The following CSMD1 variants were observed in gnomAD, a reference collection of about 807,000 sequenced individuals.
The protein encoded by CSMD1 is CUB and sushi domain-containing protein 1.
CSMD1 carries 213 observed loss-of-function variants against 417.5 expected under a neutral mutation model. The observed-to-expected ratio is 0.51, with a 90% CI of 0.46 to 0.57. CSMD1 has a LOEUF of 0.57. CSMD1 is among the 20% of genes least tolerant of loss of function. The probability of loss-of-function intolerance (pLI) is 0.00; values close to 1 mark genes in which losing one functional copy is unlikely to be tolerated. For missense variants in CSMD1, 6,923 were observed against 4,529.7 expected, an observed-to-expected ratio of 1.53 and a Z score of -15.17; for synonymous variants, 2,862 against 1,736.8, an observed-to-expected ratio of 1.65 and a Z score of -16.11.
chr8:3,600,648 TGATAAGAG>T (rs1801318608), intron 8 of CSMD1, among the ~76,000 whole-genome samples: 2 of 152,118 alleles, frequency 1.3e-5, no homozygotes. Flanking sequence ...TGACCCCAGA[TGATAAGAG>T]ACAGAAAACC....
At chr8:4,108,083 G>A (rs927912027) in intron 3 of CSMD1, among the ~76,000 whole-genome samples, 12 of 95,468 alleles carry the variant, frequency 1.3e-4, no homozygotes, top group African/African-American at 4.2e-4. Context: ...CAGAGAGAGA[G>A]ACAGAGAGAG....
chr8:4,902,686 G>T (rs1186241235), intron 1 of CSMD1, among the ~76,000 whole-genome samples: 3 of 151,978 alleles, frequency 2.0e-5, no homozygotes, highest in African/African-American at 7.2e-5. Context: ...TTGAATAGGT[G>T]ATATACGCAC....
At chr8:3,643,532 C>A (rs1007866458) in intron 7 of CSMD1, among the ~76,000 whole-genome samples, 2 of 151,830 alleles carry the variant, frequency 1.3e-5, no homozygotes. Flanking sequence ...GAAATCCAGT[C>A]TCTACTAAAA....
chr8:3,946,101 G>A (rs17068126), intron 5 of CSMD1, among the ~76,000 whole-genome samples: 20,361 of 151,944 alleles, frequency 0.13, 1,856 homozygotes, highest in African/African-American at 0.25. Context: ...GGACTTTATC[G>A]CTTGCACCTT....
chr8:4,323,035 G>C (rs781108862), intron 3 of CSMD1, among the ~76,000 whole-genome samples: 7 of 152,180 alleles, frequency 4.6e-5, no homozygotes, highest in East Asian at 1.9e-4. Flanking sequence ...AGGAATCTGA[G>C]AATAGAAAGA....
chr8:3,431,181 A>T (rs1189637433), intron 12 of CSMD1, among the ~76,000 whole-genome samples: 1 of 152,166 alleles, frequency 6.6e-6, no homozygotes, highest in African/African-American at 2.4e-5. Context: ...AAGAGGGATG[A>T]TGGAGATTAG....
intron 1 of CSMD1, among the ~76,000 whole-genome samples, chr8:4,803,190 C>T (rs1798400307): frequency 6.6e-6 from 1 of 152,074 alleles, no homozygotes; most frequent in African/African-American, 2.4e-5. Flanking sequence ...TAAGTTGATC[C>T]TGGCCACTTT....
At chr8:4,833,401 A>G (rs1040573115) in intron 1 of CSMD1, among the ~76,000 whole-genome samples, 7 of 152,194 alleles carry the variant, frequency 4.6e-5, no homozygotes, top group Admixed American at 6.5e-5. Context: ...ACTCACTGTC[A>G]TGAGAACAGC....
At chr8:4,185,535 G>C (rs1798617949) in intron 3 of CSMD1, among the ~76,000 whole-genome samples, 1 of 152,116 alleles carries the variant, frequency 6.6e-6, no homozygotes, top group Middle Eastern at 3.4e-3. Flanking sequence ...GGCATAAAGA[G>C]AAACATGCGC....
chr8:3,236,541 G>C (rs117437699), intron 26 of CSMD1, among the ~76,000 whole-genome samples: 5 of 152,242 alleles, frequency 3.3e-5, no homozygotes, highest in Non-Finnish European at 7.4e-5. Context: ...ATGATGCAAA[G>C]ATGTTTTCTG....
intron 2 of CSMD1, among the ~76,000 whole-genome samples, chr8:4,523,702 G>T (rs1803615655): frequency 6.6e-6 from 1 of 152,106 alleles, no homozygotes; most frequent in African/African-American, 2.4e-5. Context: ...ATGATCTGCT[G>T]ACACCTCCTG....
intron 3 of CSMD1, among the ~76,000 whole-genome samples, chr8:4,171,771 T>C (rs148684924): frequency 1.3e-5 from 2 of 152,302 alleles, no homozygotes; most frequent in East Asian, 3.9e-4. Context: ...ATTTCTTGGC[T>C]CACAATCCAA....
intron 1 of CSMD1, among the ~76,000 whole-genome samples, chr8:4,649,775 A>G (rs561558350): frequency 4.6e-5 from 7 of 152,264 alleles, no homozygotes; most frequent in Non-Finnish European, 8.8e-5. Context: ...TCAGAAACTA[A>G]TAATGATGTT....
chr8:3,206,760 T>C (rs1249284937), intron 30 of CSMD1, among the ~76,000 whole-genome samples: 3 of 152,038 alleles, frequency 2.0e-5, no homozygotes, highest in Admixed American at 6.6e-5. Context: ...CTTATTTACT[T>C]TGGCTTCACT....
chr8:4,976,996 T>A (rs907213762), intron 1 of CSMD1, among the ~76,000 whole-genome samples: 1 of 152,200 alleles, frequency 6.6e-6, no homozygotes, highest in Non-Finnish European at 1.5e-5. Flanking sequence ...ATTTGTCAGA[T>A]GTCTCCCATG....
intron 29 of CSMD1, among the ~76,000 whole-genome samples, chr8:3,216,219 T>G (rs1797871598): frequency 2.0e-5 from 3 of 152,024 alleles, no homozygotes; most frequent in Non-Finnish European, 2.9e-5. Flanking sequence ...GATAATTCTT[T>G]GTAACTGCAT....
chr8:3,191,348 C>G (rs1181987255), intron 33 of CSMD1, among the ~76,000 whole-genome samples: 1 of 151,972 alleles, frequency 6.6e-6, no homozygotes, highest in Non-Finnish European at 1.5e-5. Flanking sequence ...CCCAGCTGCT[C>G]GGGAGTCTGA....
At chr8:3,057,842 T>C (rs1393533266) in intron 49 of CSMD1, among the ~76,000 whole-genome samples, 1 of 152,190 alleles carries the variant, frequency 6.6e-6, no homozygotes, top group Non-Finnish European at 1.5e-5. Context: ...GTTTTCATAA[T>C]TTCATTTTCA....
intron 5 of CSMD1, among the ~76,000 whole-genome samples, chr8:3,836,515 C>A (rs533831623): frequency 1.3e-5 from 2 of 152,250 alleles, no homozygotes; most frequent in South Asian, 4.1e-4. Context: ...TAAGCCACAT[C>A]TTACCCTTTA....
Sources: allele counts gnomAD v4.1 joint callset (sites outside exome capture counted in the v4.1 genomes callset), GRCh38; gene constraint gnomAD v4.1.1; transcripts MANE v1.5; gene names NCBI Gene and HGNC (gene_info 2026-07-23, HGNC 2026-07-21).